The following ENPP2 variants were observed in gnomAD, a reference collection of about 807,000 sequenced individuals.
ENPP2 encodes autotaxin.
A neutral mutation model predicts 120.2 loss-of-function variants in ENPP2; 51 were observed. The ratio of observed to expected loss-of-function variants is 0.42; its 90% CI spans 0.34 to 0.54. ENPP2 has a LOEUF of 0.54. Among genes scored for constraint, ENPP2 ranks in the 20% least tolerant of loss-of-function variants. The probability of loss-of-function intolerance (pLI) is 0.04; values close to 1 mark genes in which losing one functional copy is unlikely to be tolerated. For missense variants in ENPP2, 920 were observed against 1,066.5 expected (o/e 0.86, Z 1.91); for synonymous variants, 365 against 366.4 (o/e 1.00, Z 0.04).
intron 12 of ENPP2, among the ~76,000 whole-genome samples, chr8:119,592,612 A>G (rs1385311845): frequency 4.1e-5 from 4 of 97,800 alleles, no homozygotes; most frequent in Non-Finnish European, 5.6e-5. Context: ...ATGCCTCAGC[A>G]CATATCATTG....
At chr8:119,584,751 A>G (rs1158530223) in intron 15 of ENPP2, among the ~76,000 whole-genome samples, 2 of 152,194 alleles carry the variant, frequency 1.3e-5, no homozygotes, top group African/African-American at 2.4e-5. Flanking sequence ...TCCTTTTGTG[A>G]CAGAAGACAC....
At chr8:119,579,743 T>A (rs922154066) in intron 19 of ENPP2, among the ~76,000 whole-genome samples, 4 of 152,118 alleles carry the variant, frequency 2.6e-5, no homozygotes, top group African/African-American at 7.2e-5. Flanking sequence ...ATATATACAC[T>A]GACTCTCGAG....
At chr8:119,558,487 G>C (rs1265600913) in intron 24 of ENPP2, among the ~76,000 whole-genome samples, 3 of 152,092 alleles carry the variant, frequency 2.0e-5, no homozygotes, top group Non-Finnish European at 4.4e-5. Flanking sequence ...TGCCTCAGCT[G>C]CTTGCCAAAA....
At chr8:119,632,769 G>T (rs575981978) in intron 2 of ENPP2, among the ~76,000 whole-genome samples, 1 of 152,148 alleles carries the variant, frequency 6.6e-6, no homozygotes, top group Non-Finnish European at 1.5e-5. Context: ...GAGAGGTAGG[G>T]TTGTAGAATT....
Position 119,621,302 on chromosome 8 carries a change from C to T in ENPP2, c.418+92G>A. 5 of 1,100,604 alleles carry T rather than the reference C, an allele frequency of 4.5e-6. No homozygotes were observed. The South Asian group carries it at 6.4e-5, about 14-fold the overall frequency. 68.2% of individuals were successfully genotyped at this position (1,100,604 alleles called of 1,614,324 possible). A position where few individuals can be genotyped will look rare whatever the true frequency, so the allele number is the denominator to read the frequency against. On this transcript the variant is annotated intron_variant, in intron 4 of 24. Coordinates refer to ENST00000075322, the MANE Select transcript of ENPP2 (RefSeq NM_001040092.3). ...TCATTCCTTCCTCCCAAACTCATAT[C>T]CAGTGTGGTCTATTCCTAGCATCCA... is the stretch of plus-strand genomic sequence containing the variant.
intron 8 of ENPP2, among the ~76,000 whole-genome samples, chr8:119,611,383 G>T (rs917525784): frequency 6.6e-6 from 1 of 152,192 alleles, no homozygotes; most frequent in African/African-American, 2.4e-5. Flanking sequence ...CAGATCAATC[G>T]CTGAGAATCA....
intron 1 of ENPP2, among the ~76,000 whole-genome samples, chr8:119,657,775 A>G (rs1350805646): frequency 6.6e-6 from 1 of 152,208 alleles, no homozygotes; most frequent in Non-Finnish European, 1.5e-5. Flanking sequence ...CCTGCATTTC[A>G]ATGAGAGCTG....
intron 22 of ENPP2, among the ~76,000 whole-genome samples, chr8:119,567,933 G>A (rs193111814): frequency 2.0e-5 from 3 of 152,240 alleles, no homozygotes; most frequent in East Asian, 3.9e-4. Context: ...ATTATAAACC[G>A]GGGATAAACT....
rs200876689 is a variant in ENPP2, at chr8:119,582,549, G to A, written c.1597C>T (p.His533Tyr). Residue 533 changes from histidine (H) to tyrosine (Y), a missense_variant, in exon 18 of 25, where the codon CAT (histidine) becomes TAT (tyrosine). Transcript: ENST00000075322. Reference sequence around the variant, plus strand: ...CTGAAGGTATTAGTGCGCAGGAGATGATTCAAACTTCCATGGGTCCCATTA... The same window carrying A: ...CTGAAGGTATTAGTGCGCAGGAGATAATTCAAACTTCCATGGGTCCCATTA... ...PNNGTHGSLN[H>Y]LLRTNTFRPT... The A allele has an allele frequency of 2.5e-5, 41 of 1,613,654 alleles. No homozygotes were observed. Among genetic ancestry groups the A allele is most frequent in the Non-Finnish European group, 3.3e-5 (39 of 1,179,652 alleles).
intron 22 of ENPP2, among the ~76,000 whole-genome samples, chr8:119,567,781 T>C (rs927624600): frequency 2.0e-5 from 3 of 152,172 alleles, no homozygotes; most frequent in African/African-American, 7.2e-5. Flanking sequence ...TTTCAAAATA[T>C]AGTGAAGACC....
chr8:119,595,260 T>C (rs1813804383), intron 11 of ENPP2, among the ~76,000 whole-genome samples: 1 of 152,184 alleles, frequency 6.6e-6, no homozygotes, highest in Non-Finnish European at 1.5e-5. Flanking sequence ...CTCAGAGGTA[T>C]TCAAAGGTTT....
chr8:119,573,032 T>C (rs906545206), intron 19 of ENPP2: 3 of 152,102 alleles, frequency 2.0e-5, no homozygotes, highest in African/African-American at 7.2e-5. Flanking sequence ...CGCTCAAAAG[T>C]GTATGACAAA....
At chr8:119,658,809 G>A (rs531022865) in intron 1 of ENPP2, among the ~76,000 whole-genome samples, 3 of 152,240 alleles carry the variant, frequency 2.0e-5, no homozygotes. Context: ...CACTGTCCCT[G>A]GCACACAGGG....
chr8:119,650,002 A>T (rs1324678881), intron 1 of ENPP2, among the ~76,000 whole-genome samples: 1 of 152,240 alleles, frequency 6.6e-6, no homozygotes, highest in African/African-American at 2.4e-5. Flanking sequence ...AGTTACACAT[A>T]TAACTCAAAA....
Position 119,568,235 on chromosome 8 carries a change from C to G in ENPP2, c.2071G>C (p.Glu691Gln). The change falls in exon 22 of 25, where the codon GAG (glutamate) becomes CAG (glutamine). Residue 691 changes from glutamate to glutamine, a missense_variant. Transcript: ENST00000075322. ...ACAAGGAATGCATCATATTTAGCCT[C>G]TGGTGAAGAGCTCAGATCTAAACAT... ...LFPPYLSSSP[E>Q]AKYDAFLVTN... 1.9e-6 allele frequency: 3 copies of G among 1,593,758 alleles called. No homozygotes were observed. Among genetic ancestry groups the G allele is most frequent in the Non-Finnish European group, 2.6e-6 (3 of 1,162,902 alleles).
intron 18 of ENPP2, among the ~76,000 whole-genome samples, chr8:119,581,721 T>G (rs954017063): frequency 1.3e-5 from 2 of 151,958 alleles, no homozygotes; most frequent in African/African-American, 2.4e-5. Context: ...TCATTAAACA[T>G]GACTGAAACA....
intron 2 of ENPP2, among the ~76,000 whole-genome samples, chr8:119,631,842 C>T (rs1163032353): frequency 6.6e-6 from 1 of 152,022 alleles, no homozygotes; most frequent in Non-Finnish European, 1.5e-5. Context: ...ATAATACATT[C>T]ATGTAGTTGA....
intron 3 of ENPP2, among the ~76,000 whole-genome samples, chr8:119,624,453 A>G (rs1816128562): frequency 6.6e-6 from 1 of 152,182 alleles, no homozygotes; most frequent in Non-Finnish European, 1.5e-5. Context: ...AACTTTCAGA[A>G]GTATAATTTA....
At chr8:119,632,423 C>T (rs1227485216) in intron 2 of ENPP2, among the ~76,000 whole-genome samples, 1 of 152,114 alleles carries the variant, frequency 6.6e-6, no homozygotes, top group Non-Finnish European at 1.5e-5. Context: ...TCTATTGCCG[C>T]CTTTTAAAAT....
Sources: allele counts gnomAD v4.1 joint callset (sites outside exome capture counted in the v4.1 genomes callset), GRCh38; gene constraint gnomAD v4.1.1; transcripts MANE v1.5; gene names NCBI Gene and HGNC (gene_info 2026-07-23, HGNC 2026-07-21).